Variants in PTGFRN observed in about 807,000 individuals in gnomAD.
PTGFRN encodes prostaglandin F2 receptor negative regulator.
PTGFRN carries 35 observed loss-of-function variants against 83.2 expected under a neutral mutation model. That is an observed-to-expected ratio of 0.42 (90% confidence interval 0.32 to 0.56). PTGFRN has a LOEUF of 0.56. Among genes scored for constraint, PTGFRN ranks in the 20% least tolerant of loss-of-function variants. PTGFRN has a pLI of 0.11. For synonymous variants in PTGFRN, 519 were observed against 498.6 expected (o/e 1.04, Z -0.55); for missense variants, 1,051 against 1,179.5 (o/e 0.89, Z 1.60).
intron 5 of PTGFRN, among the ~76,000 whole-genome samples, chr1:116,965,020 C>T (rs1650785545): frequency 6.6e-6 from 1 of 152,232 alleles, no homozygotes; most frequent in African/African-American, 2.4e-5. Flanking sequence ...CCCCATCTCA[C>T]TCAGAGCAAA....
chr1:116,941,817 C>A lies in PTGFRN; in HGVS notation c.152C>A (p.Pro51His). ...IPCNVSDYDG[P>H]SEQNFDWSFS... The stretch of plus-strand genomic sequence containing the variant: ...TGCAACGTCAGTGACTATGATGGCC[C>A]CAGCGAGCAAAACTTTGACTGGAGC... The change falls in exon 2 of 9, where the codon CCC (proline) becomes CAC (histidine). Residue 51 changes from proline to histidine, a missense_variant. Physicochemically the swap from Pro to His is moderately conservative, Grantham distance 77. Transcript: ENST00000393203. This position sits in a 1 kb window ranked among gnomAD's most constrained non-coding sequence, Gnocchi z 5.0. 1 of 1,614,142 alleles carries A rather than the reference C, an allele frequency of 6.2e-7. No homozygotes were observed.
intron 1 of PTGFRN, among the ~76,000 whole-genome samples, chr1:116,937,679 C>T (rs1459651601): frequency 6.6e-6 from 1 of 152,136 alleles, no homozygotes; most frequent in Non-Finnish European, 1.5e-5. Context: ...GATGCAGTCT[C>T]ATGCTTGTGG....
chr1:116,913,252 G>T (rs1052667425), intron 1 of PTGFRN, among the ~76,000 whole-genome samples: 5 of 152,216 alleles, frequency 3.3e-5, no homozygotes, highest in Admixed American at 3.3e-4. Context: ...TGCTGAAGAA[G>T]TGACATTTGA....
chr1:116,974,353 A>T (rs756822032), intron 7 of PTGFRN, 30 bp downstream of exon 7: 1 of 1,490,132 alleles, frequency 6.7e-7, no homozygotes, highest in African/African-American at 1.4e-5. Flanking sequence ...CCCCTTCACC[A>T]TGTTGCTTTC....
At chr1:116,934,304 C>G (rs1321843700) in intron 1 of PTGFRN, among the ~76,000 whole-genome samples, 8 of 151,970 alleles carry the variant, frequency 5.3e-5, no homozygotes, top group Admixed American at 4.6e-4. Context: ...TGCCACCATG[C>G]CTGGCTAATT....
At chr1:116,964,914 C>G (rs1282997739) in intron 5 of PTGFRN, among the ~76,000 whole-genome samples, 1 of 152,242 alleles carries the variant, frequency 6.6e-6, no homozygotes, top group East Asian at 1.9e-4. Flanking sequence ...CCTCCCAGAT[C>G]GTCTCCTTGC....
intron 3 of PTGFRN, among the ~76,000 whole-genome samples, chr1:116,945,861 T>G (rs114437915): frequency 0.014 from 2,064 of 152,256 alleles, 54 homozygotes; most frequent in African/African-American, 0.048. Flanking sequence ...GTTGACTCAT[T>G]GTCCAGCCAG....
chr1:116,921,790 G>T (rs1185547045), intron 1 of PTGFRN, among the ~76,000 whole-genome samples: 5 of 152,192 alleles, frequency 3.3e-5, no homozygotes, highest in African/African-American at 1.2e-4. Flanking sequence ...TGAGTTATTA[G>T]ATCACTGTAC....
Position 116,945,036 on chromosome 1 carries a change from G to A in PTGFRN, c.776G>A (p.Trp259Ter). 6.2e-7 allele frequency: 1 copy of A among 1,613,862 alleles called. No individual in the cohort carries two copies. The highest frequency in any genetic ancestry group is 8.5e-7 in the Non-Finnish European group (1 of 1,180,018). Reference sequence around the variant, plus strand: ...GAGTGGATCGCCGAGCAGGGCAACTGGCAGGAAATCCAAGAAAAGGCCGTG... The same window carrying A: ...GAGTGGATCGCCGAGCAGGGCAACTAGCAGGAAATCCAAGAAAAGGCCGTG... ...VSEWIAEQGN[W>*]QEIQEKAVEV... The change falls in exon 3 of 9, where the codon TGG (tryptophan) becomes TAG (stop). Residue 259 changes from tryptophan to a stop codon, truncating the protein, a stop_gained. Coordinates refer to ENST00000393203, the MANE Select transcript of PTGFRN (RefSeq NM_020440.4). LOFTEE classifies it high-confidence loss of function.
chr1:116,935,792 A>G (rs1649905578), intron 1 of PTGFRN, among the ~76,000 whole-genome samples: 1 of 152,162 alleles, frequency 6.6e-6, no homozygotes, highest in African/African-American at 2.4e-5. Context: ...ACAATGGTCC[A>G]TCAACAGGTA....
At chr1:116,966,161 A>G (rs367795085) in intron 5 of PTGFRN, among the ~76,000 whole-genome samples, 3 of 152,274 alleles carry the variant, frequency 2.0e-5, no homozygotes, top group South Asian at 4.1e-4. Context: ...ACGTTGTGCT[A>G]CTATAATAGA....
chr1:116,974,291 T>C lies in PTGFRN; in HGVS notation c.2135T>C (p.Ile712Thr). Residue 712 changes from isoleucine to threonine, a missense_variant, in exon 7 of 9, where the codon ATC (isoleucine) becomes ACC (threonine). This residue lies in a region of PTGFRN where 719 missense variants were observed against 836.6 expected (regional missense o/e 0.86). Transcript: ENST00000393203. ...GGAGATCTGATCAAATTGTTCTGTA[T>C]CATCACTGTCGAGGGAGCAGCACTG... ...IRGDLIKLFC[I>T]ITVEGAALDP... is the part of the protein sequence containing the mutation. 6.2e-7 allele frequency: 1 copy of C among 1,612,712 alleles called. No homozygotes were observed.
At chr1:116,960,394 T>C (rs1650617680) in intron 4 of PTGFRN, among the ~76,000 whole-genome samples, 1 of 152,042 alleles carries the variant, frequency 6.6e-6, no homozygotes. Flanking sequence ...GACAGAACCA[T>C]GGAGGTGCAG....
At chr1:116,968,050 A>C (rs550642891) in intron 6 of PTGFRN, among the ~76,000 whole-genome samples, 1 of 152,344 alleles carries the variant, frequency 6.6e-6, no homozygotes, top group African/African-American at 2.4e-5. Context: ...GACTTGCCAA[A>C]GTGGAAGATC....
intron 1 of PTGFRN, among the ~76,000 whole-genome samples, chr1:116,916,184 A>G (rs75406750): frequency 0.02 from 2,973 of 152,300 alleles, 94 homozygotes; most frequent in African/African-American, 0.067. Context: ...TGGGACCTTA[A>G]TTGCATCCTG....
chr1:116,967,790 C>A (rs1650883511), intron 6 of PTGFRN, among the ~76,000 whole-genome samples: 1 of 152,152 alleles, frequency 6.6e-6, no homozygotes, highest in Non-Finnish European at 1.5e-5. Flanking sequence ...AATAAGATTC[C>A]ATCGTATGGA....
intron 6 of PTGFRN, among the ~76,000 whole-genome samples, chr1:116,972,485 A>T (rs1320027666): frequency 2.0e-5 from 3 of 152,214 alleles, no homozygotes; most frequent in Admixed American, 2.0e-4. Context: ...CTTATTAGTC[A>T]TCATGTCAAA....
At chr1:116,946,691 C>T (rs535519964) in intron 3 of PTGFRN, among the ~76,000 whole-genome samples, 4 of 152,194 alleles carry the variant, frequency 2.6e-5, no homozygotes, top group African/African-American at 9.6e-5. Flanking sequence ...TGAGACTTTT[C>T]GACAGCCTTT....
rs1650381441 is a variant in PTGFRN at position 116,952,683 on chromosome 1, A to G, written c.1213+3111A>G. ...CAGTTCTCCTCTGAGGAAGGAAAAC[A>G]TTAACTCTTTCAGCAAGACAAACTT... On this transcript the variant is annotated intron_variant, in intron 4 of 8. Coordinates refer to ENST00000393203, the MANE Select transcript of PTGFRN (RefSeq NM_020440.4). This position sits in a 1 kb window ranked among gnomAD's most constrained non-coding sequence, Gnocchi z 4.0. Among the ~76,000 whole-genome samples, 1 of 152,252 alleles carries G rather than the reference A, an allele frequency of 6.6e-6. No homozygotes were observed. Among genetic ancestry groups the G allele is most frequent in the South Asian group, 2.1e-4 (1 of 4,834 alleles).
Sources: allele counts gnomAD v4.1 joint callset (sites outside exome capture counted in the v4.1 genomes callset), GRCh38; gene constraint gnomAD v4.1.1; regional missense constraint gnomAD v4.1.1; non-coding constraint Gnocchi (gnomAD v3.1); transcripts MANE v1.5; gene names NCBI Gene and HGNC (gene_info 2026-07-23, HGNC 2026-07-21).